Variants in SND1 observed in about 807,000 individuals in gnomAD.
SND1 encodes staphylococcal nuclease domain-containing protein 1.
SND1 carries 38 observed loss-of-function variants against 121.7 expected under a neutral mutation model. That is an observed-to-expected ratio of 0.31 (90% CI 0.24 to 0.41). The LOEUF is 0.41. Ranked by LOEUF, SND1 falls within the 10% of genes least tolerant of loss-of-function variation. The pLI, the probability that SND1 is intolerant of heterozygous loss-of-function variation, is 1.00. For synonymous variants in SND1, 401 were observed against 447.4 expected, an observed-to-expected ratio of 0.90 and a Z score of 1.31; for missense variants, 868 against 1,184.6, an observed-to-expected ratio of 0.73 and a Z score of 3.92.
intron 13 of SND1, among the ~76,000 whole-genome samples, chr7:127,894,727 T>C (rs1046336425): frequency 3.9e-5 from 6 of 152,100 alleles, no homozygotes; most frequent in Admixed American, 1.3e-4. Context: ...CAAGAAAGCA[T>C]ATCTTTCCTC....
intron 14 of SND1, among the ~76,000 whole-genome samples, chr7:127,915,769 T>C (rs1177896435): frequency 6.6e-6 from 1 of 152,174 alleles, no homozygotes; most frequent in Non-Finnish European, 1.5e-5. Flanking sequence ...TAGCAGAAGA[T>C]CTTGTTCAGG....
chr7:127,955,954 A>G (rs1801583278), intron 15 of SND1, among the ~76,000 whole-genome samples: 1 of 152,180 alleles, frequency 6.6e-6, no homozygotes, highest in Admixed American at 6.5e-5. Context: ...GAGCAGGAGC[A>G]CTTGAAGAGT....
chr7:127,869,659 TTA>T (rs1384610116), intron 12 of SND1, among the ~76,000 whole-genome samples: 3 of 152,200 alleles, frequency 2.0e-5, no homozygotes, highest in African/African-American at 7.2e-5. Flanking sequence ...TCTCATATAA[TTA>T]TAGTACAATA....
chr7:127,744,182 A>G (rs184132551), intron 10 of SND1, among the ~76,000 whole-genome samples: 5 of 152,292 alleles, frequency 3.3e-5, no homozygotes, highest in African/African-American at 7.2e-5. Flanking sequence ...GGGAAGATCT[A>G]TATTTATAAT....
intron 14 of SND1, among the ~76,000 whole-genome samples, chr7:127,921,893 A>T (rs1216761622): frequency 6.6e-6 from 1 of 152,208 alleles, no homozygotes; most frequent in Non-Finnish European, 1.5e-5. Context: ...TGTGTGGTGT[A>T]CTATAATTTA....
chr7:127,905,210 A>G (rs1584656016), intron 14 of SND1, among the ~76,000 whole-genome samples: 1 of 152,198 alleles, frequency 6.6e-6, no homozygotes, highest in Non-Finnish European at 1.5e-5. Context: ...CAGGAGAAGT[A>G]TATGAATTCA....
At chr7:128,033,583 C>T (rs370412958) in intron 16 of SND1, among the ~76,000 whole-genome samples, 6 of 152,174 alleles carry the variant, frequency 3.9e-5, no homozygotes, top group Admixed American at 6.5e-5. Context: ...TTTAAATACG[C>T]CATGGAATAC....
intron 1 of SND1, among the ~76,000 whole-genome samples, chr7:127,667,809 A>G (rs1795446298): frequency 6.6e-6 from 1 of 152,234 alleles, no homozygotes; most frequent in African/African-American, 2.4e-5. Flanking sequence ...ACAAGAACAC[A>G]TCTGTATTAC....
At chr7:127,956,066 TGTAA>T (rs1372017650) in intron 15 of SND1, among the ~76,000 whole-genome samples, 2 of 152,152 alleles carry the variant, frequency 1.3e-5, no homozygotes, top group African/African-American at 4.8e-5. Context: ...CAGAACCTGG[TGTAA>T]GTAAGTATAT....
rs765228444 is a variant in SND1 at position 127,702,442 on chromosome 7, C to T, written c.597C>T (p.Ile199=). Residue 199 remains isoleucine (I), a synonymous_variant, in exon 6 of 24, where the codon ATC becomes ATT. Coordinates refer to ENST00000354725, the MANE Select transcript of SND1 (RefSeq NM_014390.4). The stretch of plus-strand genomic sequence containing the variant: ...GTTTATTCTGTCACACAGCTATCAT[C>T]GAGCATGTGCGGGACGGCAGTGTGG... ...SHHQKPVNAI[I]EHVRDGSVVR... is the part of the protein sequence containing the mutation. 21 of 1,613,818 alleles carry T rather than the reference C, an allele frequency of 1.3e-5. No individual in the cohort carries two copies. Among genetic ancestry groups the T allele is most frequent in the East Asian group, 1.1e-4 (5 of 44,896 alleles).
chr7:127,695,771 A>G (rs1265272614), intron 3 of SND1, among the ~76,000 whole-genome samples: 1 of 152,164 alleles, frequency 6.6e-6, no homozygotes, highest in African/African-American at 2.4e-5. Context: ...GTCTGTGGTG[A>G]GCCATGATCA....
chr7:128,083,175 G>A (rs780683228), intron 18 of SND1, among the ~76,000 whole-genome samples: 1 of 152,204 alleles, frequency 6.6e-6, no homozygotes, highest in East Asian at 1.9e-4. Context: ...CTTCAAGAGG[G>A]ATCTGACGAA....
chr7:127,905,024 C>G (rs6956334), intron 14 of SND1, among the ~76,000 whole-genome samples: 2 of 152,132 alleles, frequency 1.3e-5, no homozygotes, highest in African/African-American at 4.8e-5. Context: ...TAACTTCATT[C>G]TTTTTCTTTA....
intron 10 of SND1, among the ~76,000 whole-genome samples, chr7:127,735,708 C>T (rs1480537910): frequency 6.6e-6 from 1 of 152,172 alleles, no homozygotes; most frequent in Non-Finnish European, 1.5e-5. Flanking sequence ...CTCACTGCAA[C>T]TTCCACCTCC....
In SND1 at chr7:127,828,555, T is replaced by A. The variant is rs374166191; in HGVS notation, c.1243-15769T>A. On this transcript the variant is annotated intron_variant, in intron 11 of 23. Transcript: ENST00000354725. ...GGTACTTTTGTATAATCTTGGTTAT[T>A]GTATCATGATGCTTCTTTTACTGCC... is the stretch of plus-strand genomic sequence containing the variant. Among the ~76,000 whole-genome samples the A allele has an allele frequency of 1.7e-4, 26 of 152,320 alleles. No homozygotes were observed. The East Asian group carries it at 4.1e-3, about 24-fold the overall frequency.
In SND1 at chr7:128,029,569, C is replaced by A. The variant is rs200804366; in HGVS notation, c.1779+38513C>A. 1 of 1,613,962 alleles carries A rather than the reference C, an allele frequency of 6.2e-7. No individual in the cohort carries two copies. Reference sequence around the variant, plus strand: ...TCAGAAATGTTGAGGTCTCGAGGTGCGTCCATGATGAAGGGGGCAGAGCAC... The same window carrying A: ...TCAGAAATGTTGAGGTCTCGAGGTGAGTCCATGATGAAGGGGGCAGAGCAC... On this transcript the variant is annotated intron_variant, in intron 16 of 23. Transcript: ENST00000354725. The surrounding 1 kb of genome is among the most constrained non-coding windows in gnomAD (Gnocchi z 4.2).
At chr7:128,054,840 A>G (rs1392120099) in intron 16 of SND1, among the ~76,000 whole-genome samples, 5 of 152,244 alleles carry the variant, frequency 3.3e-5, no homozygotes. Flanking sequence ...TGTAATTCTG[A>G]GGCCGAAGTC....
intron 1 of SND1, among the ~76,000 whole-genome samples, chr7:127,679,512 A>G (rs972442103): frequency 2.6e-5 from 4 of 152,278 alleles, no homozygotes; most frequent in African/African-American, 9.6e-5. Flanking sequence ...TTTTTACTAC[A>G]ATCATGTAAC....
intron 16 of SND1, among the ~76,000 whole-genome samples, chr7:128,012,687 A>T (rs984063449): frequency 6.6e-6 from 1 of 152,048 alleles, no homozygotes; most frequent in Non-Finnish European, 1.5e-5. Flanking sequence ...TGCTGCAGCC[A>T]ACCTAAATGG....
Sources: gnomAD v4.1 joint callset for allele counts (sites outside exome capture counted in the v4.1 genomes callset) on GRCh38, gnomAD v4.1.1 for gene constraint, Gnocchi (gnomAD v3.1) non-coding constraint, MANE v1.5 for transcripts, NCBI Gene and HGNC (gene_info 2026-07-23, HGNC 2026-07-21) for gene names.